MAPK10: variants seen among roughly 807,000 people sequenced by gnomAD.
MAPK10 encodes JNK3 alpha protein kinase.
In MAPK10, 25 loss-of-function variants were observed where a neutral mutation model predicts 59.3. The observed-to-expected ratio is 0.42, with a 90% CI of 0.31 to 0.59. The LOEUF (loss-of-function observed/expected upper bound fraction) is 0.59. Among genes scored for constraint, MAPK10 ranks in the 20% least tolerant of loss-of-function variants. MAPK10 has a pLI of 0.15. For missense variants in MAPK10, 351 were observed against 568.9 expected, an observed-to-expected ratio of 0.62 and a Z score of 3.90; for synonymous variants, 190 against 200.5, an observed-to-expected ratio of 0.95 and a Z score of 0.44.
chr4:86,182,038 G>A (rs985636278), intron 3 of MAPK10, among the ~76,000 whole-genome samples: 1 of 151,968 alleles, frequency 6.6e-6, no homozygotes, highest in African/African-American at 2.4e-5. Flanking sequence ...GGAGAATCAA[G>A]AATTTTTCAC....
At chr4:86,553,285 A>G (rs1310539884) in intron 1 of MAPK10, among the ~76,000 whole-genome samples, 1 of 152,154 alleles carries the variant, frequency 6.6e-6, no homozygotes, top group Non-Finnish European at 1.5e-5. Flanking sequence ...GCAGCAAGAG[A>G]TAAGATTGAA....
At chr4:86,093,933 A>AG (rs1408788984) in intron 9 of MAPK10, among the ~76,000 whole-genome samples, 1 of 151,896 alleles carries the variant, frequency 6.6e-6, no homozygotes, top group African/African-American at 2.4e-5. Context: ...ATTTGAAAGA[A>AG]TGCCTACTAA....
At chr4:86,379,260 T>C (rs1740302580) in intron 1 of MAPK10, among the ~76,000 whole-genome samples, 1 of 152,226 alleles carries the variant, frequency 6.6e-6, no homozygotes, top group Non-Finnish European at 1.5e-5. Context: ...TCCATCTGCG[T>C]GCATCACAAC....
chr4:86,575,449 T>C (rs748090857), intron 1 of MAPK10, among the ~76,000 whole-genome samples: 6 of 152,200 alleles, frequency 3.9e-5, no homozygotes, highest in Non-Finnish European at 8.8e-5. Context: ...AAATGTATTT[T>C]ATTTGGTCCT....
At chr4:86,335,742 A>G (rs543133707) in intron 2 of MAPK10, among the ~76,000 whole-genome samples, 2 of 152,314 alleles carry the variant, frequency 1.3e-5, no homozygotes, top group African/African-American at 4.8e-5. Context: ...GCAGAAGGTG[A>G]AGGGGAAACA....
At chr4:86,317,510 T>C (rs1214025104) in intron 2 of MAPK10, among the ~76,000 whole-genome samples, 1 of 152,242 alleles carries the variant, frequency 6.6e-6, no homozygotes. Context: ...CTATTGATTA[T>C]GCTTCCTGTT....
intron 2 of MAPK10, among the ~76,000 whole-genome samples, chr4:86,308,184 G>A (rs2095604557): frequency 6.6e-6 from 1 of 152,118 alleles, no homozygotes; most frequent in Non-Finnish European, 1.5e-5. Context: ...TTTCAGAATA[G>A]AGGTTAAGTG....
At position 86,101,184 on chromosome 4, in the gene MAPK10, C is replaced by T. The variant is rs1163076765; in HGVS notation, c.598G>A (p.Asp200Asn). Residue 200 changes from aspartate (D) to asparagine (N), a missense_variant, in exon 8 of 14, where the codon GAT becomes AAT. Coordinates refer to ENST00000641462, the MANE Select transcript of MAPK10 (RefSeq NM_138982.4). ...LKPSNIVVKS[D>N]CTLKILDFGL... ...AAGTCCAGGATTTTCAATGTGCAAT[C>T]AGACTTGACTACAATGTTACTTGGT... The T allele has an allele frequency of 2.5e-6, 4 of 1,613,854 alleles. No individual in the cohort carries two copies. Among genetic ancestry groups the T allele is most frequent in the Non-Finnish European group, 3.4e-6 (4 of 1,179,884 alleles).
intron 11 of MAPK10, among the ~76,000 whole-genome samples, chr4:86,056,015 G>T (rs1319479020): frequency 6.7e-6 from 1 of 150,076 alleles, no homozygotes; most frequent in Non-Finnish European, 1.5e-5. Flanking sequence ...CAGAATTTCA[G>T]ATGGATTAGT....
intron 1 of MAPK10, among the ~76,000 whole-genome samples, chr4:86,449,902 C>T (rs866734577): frequency 9.9e-5 from 15 of 152,154 alleles, no homozygotes; most frequent in African/African-American, 3.6e-4. Context: ...GGCTAATTGC[C>T]AGCAACAAAA....
At chr4:86,481,666 G>A (rs1250165697) in intron 1 of MAPK10, among the ~76,000 whole-genome samples, 1 of 152,096 alleles carries the variant, frequency 6.6e-6, no homozygotes, top group African/African-American at 2.4e-5. Context: ...TTGTTCTCTA[G>A]GCTGAGCAAC....
At chr4:86,416,799 A>C (rs1049274478) in intron 1 of MAPK10, among the ~76,000 whole-genome samples, 1 of 152,224 alleles carries the variant, frequency 6.6e-6, no homozygotes, top group Non-Finnish European at 1.5e-5. Flanking sequence ...TAAGAAATAA[A>C]TTCCCTACTG....
intron 1 of MAPK10, among the ~76,000 whole-genome samples, chr4:86,544,470 A>G (rs997886481): frequency 2.0e-5 from 3 of 152,220 alleles, no homozygotes; most frequent in Admixed American, 2.0e-4. Flanking sequence ...ACAAACATCT[A>G]AATAGTCATT....
chr4:86,283,248 G>C (rs2094882493), intron 2 of MAPK10, among the ~76,000 whole-genome samples: 2 of 152,136 alleles, frequency 1.3e-5, no homozygotes, highest in Non-Finnish European at 2.9e-5. Context: ...TGTAGAATAT[G>C]TCATTCAACA....
intron 2 of MAPK10, among the ~76,000 whole-genome samples, chr4:86,224,093 A>T (rs997655835): frequency 6.6e-6 from 1 of 152,204 alleles, no homozygotes; most frequent in African/African-American, 2.4e-5. Flanking sequence ...AAATGTAGGA[A>T]TTGGAACCCT....
intron 2 of MAPK10, among the ~76,000 whole-genome samples, chr4:86,223,405 C>T (rs2090022475): frequency 6.6e-6 from 1 of 152,178 alleles, no homozygotes. Context: ...GAACATTGTC[C>T]TGTTCGGCAC....
At chr4:86,180,431 C>CA in intron 3 of MAPK10, among the ~76,000 whole-genome samples, 1 of 144,514 alleles carries the variant, frequency 6.9e-6, no homozygotes, top group East Asian at 2.1e-4. Context: ...ATAGCTTCTT[C>CA]AAAAAACTAC....
intron 11 of MAPK10, among the ~76,000 whole-genome samples, chr4:86,033,418 A>G (rs945034047): frequency 7.2e-5 from 11 of 152,208 alleles, no homozygotes; most frequent in Non-Finnish European, 1.5e-4. Flanking sequence ...GATCCAGCTC[A>G]TGATCCTGCC....
chr4:86,136,933 A>G (rs747600255), intron 4 of MAPK10, among the ~76,000 whole-genome samples: 1 of 152,226 alleles, frequency 6.6e-6, no homozygotes, highest in Non-Finnish European at 1.5e-5. Context: ...GAAAAGAGAC[A>G]AAGAAGGCCA....
Sources: gnomAD v4.1 joint callset for allele counts (sites outside exome capture counted in the v4.1 genomes callset) on GRCh38, gnomAD v4.1.1 for gene constraint, MANE v1.5 for transcripts, NCBI Gene and HGNC (gene_info 2026-07-23, HGNC 2026-07-21) for gene names.